Variants in PTPRN2 observed in about 807,000 individuals in gnomAD.
The protein encoded by PTPRN2 is protein tyrosine phosphatase receptor type N2.
Under a neutral mutation model 118.8 loss-of-function variants are expected in PTPRN2, and 74 were observed. The observed-to-expected ratio is 0.62, with a 90% CI of 0.52 to 0.76. The LOEUF is 0.76. Ranked by LOEUF, PTPRN2 falls within the 30% of genes least tolerant of loss-of-function variation. The pLI, the probability that PTPRN2 is intolerant of heterozygous loss-of-function variation, is 0.00. For synonymous variants in PTPRN2, 641 were observed against 608.0 expected (o/e 1.05, Z -0.80); for missense variants, 1,481 against 1,394.4 (o/e 1.06, Z -0.99).
chr7:158,136,674 T>G lies in PTPRN2; in HGVS notation c.1154A>C (p.Asp385Ala). 1.9e-6 allele frequency: 3 copies of G among 1,613,896 alleles called. No homozygotes were observed. In the South Asian group the frequency reaches 3.3e-5, roughly 18 times the overall value. ...TCTTACCTCTTGGTAAAGTCTATCA[T>G]CGTCGTCCTGCACTCCGTCATCTGT... ...SFPDDGVQDDDDRLYQEVHRL... is the reference protein window; with the variant it reads ...SFPDDGVQDDADRLYQEVHRL... The change falls in exon 8 of 23, where the codon GAT becomes GCT. Residue 385 changes from aspartate to alanine, a missense_variant. By Grantham distance (126) the Asp-to-Ala change is moderately radical. This residue lies in a region of PTPRN2 where 1,115 missense variants were observed against 994.2 expected (regional missense o/e 1.12). Coordinates refer to ENST00000389418, the MANE Select transcript of PTPRN2 (RefSeq NM_002847.5).
intron 11 of PTPRN2, among the ~76,000 whole-genome samples, chr7:158,018,713 C>A (rs1160044177): frequency 1.3e-5 from 2 of 152,064 alleles, no homozygotes; most frequent in Non-Finnish European, 2.9e-5. Context: ...GTAATCCCAG[C>A]ACTTTGGGAG....
At chr7:157,803,445 T>G (rs1213322112) in intron 12 of PTPRN2, among the ~76,000 whole-genome samples, 4 of 152,222 alleles carry the variant, frequency 2.6e-5, no homozygotes, top group Non-Finnish European at 4.4e-5. Flanking sequence ...TTTGATGTTG[T>G]CCTGCATGTT....
At position 157,682,819 on chromosome 7, in the gene PTPRN2, A is replaced by T. The variant is rs1386855218; in HGVS notation, c.1907T>A (p.Ile636Asn). ...ILGVLLASGL[I>N]YCLRHSSQHR... ...CTGAGAGCTATGGCGGAGGCAGTAG[A>T]TGAGGCCAGAGGCCAGGAGGACGCC... The change falls in exon 13 of 23, where the codon ATC becomes AAC. Residue 636 changes from isoleucine (I) to asparagine (N), a missense_variant. Around this residue, in one of 3 missense-constraint regions of PTPRN2, gnomAD observed 1,115 missense variants for 994.2 expected, o/e 1.12. Transcript: ENST00000389418. The T allele has an allele frequency of 6.2e-7, 1 of 1,613,986 alleles. No homozygotes were observed. Among genetic ancestry groups the T allele is most frequent in the Non-Finnish European group, 8.5e-7 (1 of 1,180,048 alleles).
chr7:158,097,188 C>A (rs188831674), intron 10 of PTPRN2, among the ~76,000 whole-genome samples: 459 of 132,210 alleles, frequency 3.5e-3, no homozygotes, highest in African/African-American at 0.013. Flanking sequence ...AGTTTCCCGG[C>A]AAACCCCAGG....
chr7:157,973,779 A>G (rs965137322), intron 11 of PTPRN2, among the ~76,000 whole-genome samples: 2 of 152,244 alleles, frequency 1.3e-5, no homozygotes, highest in African/African-American at 4.8e-5. Flanking sequence ...AAAGCATAGC[A>G]ACAAAGATAA....
chr7:157,589,266 T>C (rs578256179), intron 17 of PTPRN2, among the ~76,000 whole-genome samples: 3 of 152,318 alleles, frequency 2.0e-5, no homozygotes, highest in Admixed American at 1.3e-4. Context: ...AGATCCCATA[T>C]GGGAAGTGCC....
chr7:158,301,128 C>G (rs74411962), intron 3 of PTPRN2, among the ~76,000 whole-genome samples: 1,739 of 152,268 alleles, frequency 0.011, 40 homozygotes, highest in African/African-American at 0.039. Flanking sequence ...CAAGTCAAGA[C>G]GGAGATTGTG....
chr7:157,855,189 T>C (rs1176343857), intron 12 of PTPRN2, among the ~76,000 whole-genome samples: 1 of 146,894 alleles, frequency 6.8e-6, no homozygotes, highest in Non-Finnish European at 1.5e-5. Flanking sequence ...ATTGCAGGGG[T>C]GTGTGTGGGG....
In PTPRN2 at chr7:158,110,846, A is replaced by G. The variant is rs1130501; in HGVS notation, c.1626T>C (p.Ser542=). The G allele has an allele frequency of 0.36, 566,359 of 1,585,344 alleles. 104,549 individuals are homozygous for G. Among genetic ancestry groups the G allele is most frequent in the Non-Finnish European group, 0.38 (448,505 of 1,165,254 alleles). The change falls in exon 10 of 23, where the codon AGT becomes AGC. Residue 542 remains serine, a synonymous_variant. Coordinates refer to ENST00000389418, the MANE Select transcript of PTPRN2 (RefSeq NM_002847.5). ...GTACTTACTCCACGTCAGCGAACGC[A>G]CTGCTGGGCACCTGCAGGAGGCGGG... ...DVARLLQVPS[S]AFADVEVLGP...
chr7:158,071,517 GTGGTGGAGATGCTCGTGA>G (rs1306970735), intron 11 of PTPRN2, among the ~76,000 whole-genome samples: 23 of 136,974 alleles, frequency 1.7e-4, no homozygotes, highest in Admixed American at 7.3e-4. Context: ...GATGCTCGTG[GTGGTGGAGATGCTCGTGA>G]TGATGGAGGT....
chr7:157,886,403 G>A (rs575281341), intron 12 of PTPRN2, among the ~76,000 whole-genome samples: 55 of 152,280 alleles, frequency 3.6e-4, no homozygotes, highest in Non-Finnish European at 5.0e-4. Context: ...AGGGACTGCC[G>A]TTGCCACAGG....
chr7:158,552,996 C>T (rs965397248), intron 1 of PTPRN2, among the ~76,000 whole-genome samples: 11 of 152,108 alleles, frequency 7.2e-5, no homozygotes, highest in African/African-American at 2.7e-4. Context: ...GAGTCTACAC[C>T]ACCCTTCCTG....
chr7:157,882,060 AACT>A (rs1584943254), intron 12 of PTPRN2, among the ~76,000 whole-genome samples: 1 of 152,032 alleles, frequency 6.6e-6, no homozygotes, highest in Non-Finnish European at 1.5e-5. Flanking sequence ...CCACCCCACA[AACT>A]ACTGTTGAAG....
At chr7:158,429,412 C>T (rs2129428091) in intron 2 of PTPRN2, among the ~76,000 whole-genome samples, 1 of 152,370 alleles carries the variant, frequency 6.6e-6, no homozygotes, top group African/African-American at 2.4e-5. Context: ...CAGGACCTTC[C>T]CGCCATCAGG....
rs1341644994 is a variant in PTPRN2, at chr7:158,521,930, G to C, written c.113-32145C>G. Among the ~76,000 whole-genome samples, 25 of 89,730 alleles carry C rather than the reference G, an allele frequency of 2.8e-4. 1 individual carries two copies. Among genetic ancestry groups the C allele is most frequent in the African/African-American group, 6.8e-4 (16 of 23,692 alleles). 58.9% of individuals were successfully genotyped at this position (89,730 alleles called of 152,430 possible). ...GAGGGAGGTCCACGTCACAATGGTG[G>C]ACTGTCCGGGTACTGGCTCGGGAGG... On this transcript the variant is annotated intron_variant, in intron 1 of 22. Transcript: ENST00000389418.
intron 6 of PTPRN2, among the ~76,000 whole-genome samples, chr7:158,146,054 C>G (rs1490721850): frequency 1.7e-5 from 2 of 116,272 alleles, no homozygotes; most frequent in African/African-American, 5.7e-5. Flanking sequence ...TTTTAGTTTT[C>G]CACTCTTTTC....
chr7:157,670,117 A>G (rs1369083946), intron 13 of PTPRN2, among the ~76,000 whole-genome samples: 1 of 152,136 alleles, frequency 6.6e-6, no homozygotes. Context: ...AGCTGCATCG[A>G]GCCCCCGCCG....
chr7:157,639,098 G>A (rs971259882), intron 14 of PTPRN2, among the ~76,000 whole-genome samples: 1 of 151,306 alleles, frequency 6.6e-6, no homozygotes, highest in Non-Finnish European at 1.5e-5. Flanking sequence ...GTGCAGTGGT[G>A]TGATCTCGGC....
chr7:157,765,520 T>C (rs1413423981), intron 12 of PTPRN2, among the ~76,000 whole-genome samples: 4 of 106,278 alleles, frequency 3.8e-5, no homozygotes, highest in East Asian at 3.3e-4. Context: ...CTCCATCCAT[T>C]CACCCACCCA....
Sources: allele counts gnomAD v4.1 joint callset (sites outside exome capture counted in the v4.1 genomes callset), GRCh38; gene constraint gnomAD v4.1.1; regional missense constraint gnomAD v4.1.1; transcripts MANE v1.5; gene names NCBI Gene and HGNC (gene_info 2026-07-23, HGNC 2026-07-21).